Variants in FDFT1 observed in about 807,000 individuals in gnomAD.
FDFT1 encodes farnesyl-diphosphate farnesyltransferase 1.
FDFT1 carries 68 observed loss-of-function variants against 46.8 expected under a neutral mutation model. That is an observed-to-expected ratio of 1.45 (90% CI 1.19 to 1.78). The LOEUF (loss-of-function observed/expected upper bound fraction) is 1.78, where lower values mean the gene tolerates loss of function less well. FDFT1 is among the 40% of genes most tolerant of loss of function. The probability of loss-of-function intolerance (pLI) is 0.00; values close to 1 mark genes in which losing one functional copy is unlikely to be tolerated. For missense variants in FDFT1, 928 were observed against 524.4 expected, an observed-to-expected ratio of 1.77 and a Z score of -7.52; for synonymous variants, 351 against 185.1, an observed-to-expected ratio of 1.90 and a Z score of -7.28.
intron 4 of FDFT1, among the ~76,000 whole-genome samples, chr8:11,823,655 C>A (rs61690662): frequency 1.3e-5 from 2 of 152,118 alleles, no homozygotes; most frequent in African/African-American, 4.8e-5. Flanking sequence ...GCAGCCTTGA[C>A]CTTCTGGGCT....
In FDFT1 at chr8:11,838,611, C is replaced by A. The variant is rs376098828; in HGVS notation, c.*2C>A. 45 of 1,609,352 alleles carry A rather than the reference C, an allele frequency of 2.8e-5. No homozygotes were observed. The highest frequency in any genetic ancestry group is 3.3e-5 in the Non-Finnish European group (39 of 1,175,770). On this transcript the variant is annotated 3_prime_UTR_variant, in exon 8 of 8. Coordinates refer to ENST00000220584, the MANE Select transcript of FDFT1 (RefSeq NM_004462.5). ...TATGTTCAGACTGGAGAACACTGAT[C>A]CCAAATTTGTCCATAGCTGAAGTCC...
intron 3 of FDFT1, among the ~76,000 whole-genome samples, 174 bp from the exon 4 acceptor site, chr8:11,821,576 G>T (rs1196956735): frequency 6.6e-6 from 1 of 152,198 alleles, no homozygotes; most frequent in Non-Finnish European, 1.5e-5. Flanking sequence ...GGGCAACATT[G>T]CGAGACTCCA....
At position 11,802,793 on chromosome 8, in the gene FDFT1, A is replaced by G; in HGVS notation, c.-40A>G. On this transcript the variant is annotated 5_prime_UTR_variant, in exon 1 of 8. Transcript: ENST00000220584. Reference sequence around the variant, plus strand: ...GCCGGTGAGCGCCTGGGGACCGCAGAGGTGAGAGTCGCGCCCGGGAGTCCG... The same window carrying G: ...GCCGGTGAGCGCCTGGGGACCGCAGGGGTGAGAGTCGCGCCCGGGAGTCCG... The G allele has an allele frequency of 6.6e-7, 1 of 1,512,630 alleles. No homozygotes were observed. Among genetic ancestry groups the G allele is most frequent in the Non-Finnish European group, 9.1e-7 (1 of 1,099,748 alleles). 93.7% of individuals were successfully genotyped at this position (1,512,630 alleles called of 1,614,324 possible).
At chr8:11,811,697 C>G (rs1166651316) in intron 3 of FDFT1, among the ~76,000 whole-genome samples, 1 of 152,218 alleles carries the variant, frequency 6.6e-6, no homozygotes, top group Non-Finnish European at 1.5e-5. Flanking sequence ...AGATTCCATC[C>G]TCTTGAAAGC....
intron 3 of FDFT1, among the ~76,000 whole-genome samples, chr8:11,812,140 C>G (rs571301197): frequency 6.6e-6 from 1 of 152,188 alleles, no homozygotes; most frequent in East Asian, 1.9e-4. Flanking sequence ...TAGGCCCCCT[C>G]ACTCCCAAAG....
At chr8:11,803,345 C>T (rs966042782) in intron 1 of FDFT1, 5 of 1,291,396 alleles carry the variant, frequency 3.9e-6, no homozygotes, top group African/African-American at 1.5e-5. Flanking sequence ...AAGGCCGTTT[C>T]TGGAATGAAG....
intron 3 of FDFT1, 92 bp from the exon 4 acceptor site, chr8:11,821,658 A>G (rs1014059905): frequency 1.3e-5 from 19 of 1,436,454 alleles, no homozygotes; most frequent in Non-Finnish European, 1.8e-5. Context: ...CATTGCAGTC[A>G]TGATTAATTC....
Position 11,821,827 on chromosome 8 carries a change from G to C in FDFT1, c.459G>C (p.Gly153=). ...ACATTTGCCGGAGAATGGGCATTGGGATGGCAGAGTTTTTGGATAAGCATG... is the reference window on the plus strand; with the variant it reads ...ACATTTGCCGGAGAATGGGCATTGGCATGGCAGAGTTTTTGGATAAGCATG... ...IADICRRMGI[G]MAEFLDKHVT... is the part of the protein sequence containing the mutation. The change falls in exon 4 of 8, where the codon GGG becomes GGC. Residue 153 remains glycine (G), a synonymous_variant. Coordinates refer to ENST00000220584, the MANE Select transcript of FDFT1 (RefSeq NM_004462.5). 2 of 1,613,754 alleles carry C rather than the reference G, an allele frequency of 1.2e-6. No individual in the cohort carries two copies. The highest frequency in any genetic ancestry group is 8.5e-7 in the Non-Finnish European group (1 of 1,179,708).
intron 5 of FDFT1, among the ~76,000 whole-genome samples, chr8:11,828,027 C>T (rs2409835): frequency 0.22 from 33,170 of 152,076 alleles, 4,936 homozygotes; most frequent in East Asian, 0.79. Flanking sequence ...CATGGCAAAA[C>T]TCCGTCTCTA....
chr8:11,831,045 T>C (rs909060746), intron 6 of FDFT1, among the ~76,000 whole-genome samples: 4 of 152,232 alleles, frequency 2.6e-5, no homozygotes, highest in Admixed American at 1.3e-4. Context: ...AGAAATACTT[T>C]ACCTTTGAGC....
intron 3 of FDFT1, among the ~76,000 whole-genome samples, chr8:11,817,852 C>CT (rs1808676088): frequency 6.7e-6 from 1 of 150,008 alleles, no homozygotes; most frequent in Non-Finnish European, 1.5e-5. Flanking sequence ...TTTTGTGTGT[C>CT]TATCTCTTTC....
intron 3 of FDFT1, among the ~76,000 whole-genome samples, chr8:11,810,342 G>T (rs927536922): frequency 3.9e-5 from 6 of 152,172 alleles, no homozygotes; most frequent in African/African-American, 1.2e-4. Context: ...ACTACCCGGA[G>T]CCTGGTAGCA....
chr8:11,820,567 C>A (rs1160630353), intron 3 of FDFT1, among the ~76,000 whole-genome samples: 2 of 152,212 alleles, frequency 1.3e-5, no homozygotes, highest in African/African-American at 4.8e-5. Flanking sequence ...ACTGAAGCCT[C>A]AGCAATGGCG....
At chr8:11,803,331 C>A (rs777543640) in intron 1 of FDFT1, 1 of 1,293,994 alleles carries the variant, frequency 7.7e-7, no homozygotes, top group South Asian at 1.2e-5. Context: ...GATAACATCA[C>A]ATGAAGGCCG....
chr8:11,801,930 C>G (rs931521119), upstream of FDFT1: 1 of 454,726 alleles, frequency 2.2e-6, no homozygotes, highest in Admixed American at 2.4e-5. Context: ...ACCTCGTGAT[C>G]CACCCGCCTT....
In FDFT1 at chr8:11,826,019, T is replaced by TA. The variant is rs753941206; in HGVS notation, c.511-4dup. 4 of 1,546,648 alleles carry TA rather than the reference T, an allele frequency of 2.6e-6. No individual in the cohort carries two copies. The Admixed American group carries it at 7.1e-5, about 28-fold the overall frequency. ...TTAAAGTGCTTTAAAAATCGTCTCT[T>TA]ACAGTACTGCCACTATGTTGCTGGG... On this transcript the variant is annotated splice_region_variant and splice_polypyrimidine_tract_variant and intron_variant, in intron 4 of 7. Coordinates refer to ENST00000220584, the MANE Select transcript of FDFT1 (RefSeq NM_004462.5).
chr8:11,819,888 G>C (rs1168131720), intron 3 of FDFT1, among the ~76,000 whole-genome samples: 2 of 152,048 alleles, frequency 1.3e-5, no homozygotes, highest in African/African-American at 2.4e-5. Flanking sequence ...TTGTTCCTTT[G>C]CTGGTGAGGA....
In FDFT1 at chr8:11,802,790, C is replaced by A; in HGVS notation, c.-43C>A. The A allele has an allele frequency of 6.7e-7, 1 of 1,502,422 alleles. No individual in the cohort carries two copies. Among genetic ancestry groups the A allele is most frequent in the Non-Finnish European group, 9.2e-7 (1 of 1,091,458 alleles). The allele number at this position is 1,502,422 out of a possible 1,614,324, so 93.1% of individuals were successfully genotyped here. On this transcript the variant is annotated 5_prime_UTR_variant, in exon 1 of 8. Transcript: ENST00000220584. ...CCGGCCGGTGAGCGCCTGGGGACCG[C>A]AGAGGTGAGAGTCGCGCCCGGGAGT... is the stretch of plus-strand genomic sequence containing the variant.
intron 3 of FDFT1, among the ~76,000 whole-genome samples, chr8:11,810,933 TAAAA>T (rs71539744): frequency 6.8e-4 from 61 of 89,418 alleles, no homozygotes; most frequent in East Asian, 3.1e-3. Flanking sequence ...GAGCAATATT[TAAAA>T]AAAAAAAAAA....
Sources: gnomAD v4.1 joint callset for allele counts (sites outside exome capture counted in the v4.1 genomes callset) on GRCh38, gnomAD v4.1.1 for gene constraint, MANE v1.5 for transcripts, NCBI Gene and HGNC (gene_info 2026-07-23, HGNC 2026-07-21) for gene names.